CDK6: variants seen among roughly 807,000 people sequenced by gnomAD.
The protein encoded by CDK6 is cyclin dependent kinase 6.
In CDK6, 6 loss-of-function variants were observed where a neutral mutation model predicts 37.1. That is an observed-to-expected ratio of 0.16 (90% CI 0.09 to 0.32). The LOEUF (loss-of-function observed/expected upper bound fraction) is 0.32. CDK6 is among the 10% of genes least tolerant of loss of function. The pLI, the probability that CDK6 is intolerant of heterozygous loss-of-function variation, is 1.00. For missense variants in CDK6, 224 were observed against 418.9 expected, an observed-to-expected ratio of 0.53 and a Z score of 4.06; for synonymous variants, 160 against 161.3, an observed-to-expected ratio of 0.99 and a Z score of 0.06.
At chr7:92,742,491 G>A (rs536850352) in intron 3 of CDK6, among the ~76,000 whole-genome samples, 1 of 152,084 alleles carries the variant, frequency 6.6e-6, no homozygotes, top group South Asian at 2.1e-4. Context: ...AGTGCTATCT[G>A]GTGTTTCTTT....
At chr7:92,672,563 A>C (rs1355116255) in intron 4 of CDK6, among the ~76,000 whole-genome samples, 1 of 150,162 alleles carries the variant, frequency 6.7e-6, no homozygotes, top group Non-Finnish European at 1.5e-5. Context: ...AGGGCTGAAG[A>C]AAGCATATCA....
rs1795589043 is a variant in CDK6, at chr7:92,612,751, T to C, written c.*2389A>G. 2 of 233,052 alleles carry C rather than the reference T, an allele frequency of 8.6e-6. No homozygotes were observed. The highest frequency in any genetic ancestry group is 1.7e-5 in the Non-Finnish European group (2 of 117,978). 14.4% of individuals were successfully genotyped at this position (233,052 alleles called of 1,614,324 possible). ...TCTAAAGAATGCTGAAAAATTCCAG[T>C]TCAGAACAGCTGCATTTTTCTTGAG... On this transcript the variant is annotated 3_prime_UTR_variant, in exon 8 of 8. Coordinates refer to ENST00000424848, the MANE Select transcript of CDK6 (RefSeq NM_001145306.2).
At chr7:92,677,449 C>T (rs1334539560) in intron 4 of CDK6, among the ~76,000 whole-genome samples, 1 of 152,010 alleles carries the variant, frequency 6.6e-6, no homozygotes, top group Non-Finnish European at 1.5e-5. Context: ...GAAACCCTGT[C>T]TCTACTAAAA....
At chr7:92,707,430 G>A (rs189294448) in intron 4 of CDK6, among the ~76,000 whole-genome samples, 2 of 152,228 alleles carry the variant, frequency 1.3e-5, no homozygotes, top group Non-Finnish European at 2.9e-5. Flanking sequence ...ACTGCTTTTT[G>A]AAGGAAGCAA....
intron 2 of CDK6, among the ~76,000 whole-genome samples, chr7:92,780,700 G>A (rs1799965579): frequency 6.7e-6 from 1 of 150,084 alleles, no homozygotes; most frequent in African/African-American, 2.5e-5. Flanking sequence ...GGCAGAGCTT[G>A]CAGTGAGCCG....
At chr7:92,808,082 G>A (rs1305085446) in intron 2 of CDK6, among the ~76,000 whole-genome samples, 1 of 152,098 alleles carries the variant, frequency 6.6e-6, no homozygotes, top group African/African-American at 2.4e-5. Context: ...TGACTCCCCT[G>A]TAAATTAAAA....
chr7:92,609,704 G>A lies in CDK6; in HGVS notation c.*5436C>T, dbSNP rs548792821. The A allele has an allele frequency of 3.5e-5, 8 of 231,196 alleles. No individual in the cohort carries two copies. The highest frequency in any genetic ancestry group is 1.8e-4 in the African/African-American group (8 of 45,254). 14.3% of individuals were successfully genotyped at this position (231,196 alleles called of 1,614,324 possible). ...TGTGTTTTAACTGGGGCCACTAAAG[G>A]AGTTTTATACTTCTAACGAAACTAT... On this transcript the variant is annotated 3_prime_UTR_variant, in exon 8 of 8. Transcript: ENST00000424848.
intron 4 of CDK6, among the ~76,000 whole-genome samples, chr7:92,707,983 T>A (rs28633119): frequency 0.02 from 3,095 of 152,308 alleles, 124 homozygotes; most frequent in African/African-American, 0.071. Context: ...CTGAACAGAC[T>A]CTTACTGGAT....
chr7:92,671,624 T>G, intron 4 of CDK6, 89 bp from the exon 5 acceptor site: 1 of 640,776 alleles, frequency 1.6e-6, no homozygotes, highest in South Asian at 2.7e-5. Context: ...TGACAAGATG[T>G]AGTTCAGAAA....
intron 2 of CDK6, among the ~76,000 whole-genome samples, chr7:92,783,531 T>C (rs887325327): frequency 2.0e-5 from 3 of 152,174 alleles, no homozygotes; most frequent in Non-Finnish European, 2.9e-5. Context: ...CATAAGAAAG[T>C]TTCATTGTTT....
chr7:92,732,526 A>G (rs1255863545), intron 3 of CDK6, among the ~76,000 whole-genome samples: 1 of 152,202 alleles, frequency 6.6e-6, no homozygotes, highest in Non-Finnish European at 1.5e-5. Context: ...CTCACTCTGT[A>G]CTTCCTTCCT....
intron 5 of CDK6, among the ~76,000 whole-genome samples, chr7:92,670,650 C>T (rs2106135): frequency 0.048 from 7,371 of 152,232 alleles, 414 homozygotes; most frequent in East Asian, 0.32. Context: ...GAAAATCAAA[C>T]AAACGAATCA....
chr7:92,750,193 C>G (rs1432112826), intron 3 of CDK6, among the ~76,000 whole-genome samples: 1 of 151,998 alleles, frequency 6.6e-6, no homozygotes, highest in Non-Finnish European at 1.5e-5. Context: ...GAAAGTCCAC[C>G]GAACTAGAAT....
intron 5 of CDK6, among the ~76,000 whole-genome samples, chr7:92,670,836 T>G (rs1160217195): frequency 6.6e-6 from 1 of 152,350 alleles, no homozygotes; most frequent in East Asian, 1.9e-4. Flanking sequence ...ATTAGATTTC[T>G]ACCCCTTTTA....
chr7:92,826,982 G>A (rs111291983), intron 2 of CDK6, among the ~76,000 whole-genome samples: 20 of 152,196 alleles, frequency 1.3e-4, no homozygotes, highest in African/African-American at 4.6e-4. Flanking sequence ...TACATCTCAA[G>A]GGATTTTTTT....
At chr7:92,794,936 T>C (rs1304486188) in intron 2 of CDK6, among the ~76,000 whole-genome samples, 1 of 152,074 alleles carries the variant, frequency 6.6e-6, no homozygotes, top group African/African-American at 2.4e-5. Flanking sequence ...CTGAAGATAA[T>C]TCCAAAAGAG....
At chr7:92,739,652 GT>G (rs1263706157) in intron 3 of CDK6, among the ~76,000 whole-genome samples, 2 of 152,230 alleles carry the variant, frequency 1.3e-5, no homozygotes, top group Non-Finnish European at 2.9e-5. Context: ...TTGCCAAGTA[GT>G]CAGTATCTCT....
intron 4 of CDK6, among the ~76,000 whole-genome samples, chr7:92,688,771 T>C (rs1797529268): frequency 6.6e-6 from 1 of 152,210 alleles, no homozygotes; most frequent in Admixed American, 6.5e-5. Flanking sequence ...GACATAATTC[T>C]GAAACATCAT....
chr7:92,735,941 C>A (rs953718114), intron 3 of CDK6, among the ~76,000 whole-genome samples: 4 of 152,028 alleles, frequency 2.6e-5, no homozygotes, highest in Non-Finnish European at 5.9e-5. Flanking sequence ...CTTTTGGGTA[C>A]GTATAAACCT....
Sources: gnomAD v4.1 joint callset for allele counts (sites outside exome capture counted in the v4.1 genomes callset) on GRCh38, gnomAD v4.1.1 for gene constraint, MANE v1.5 for transcripts, NCBI Gene and HGNC (gene_info 2026-07-23, HGNC 2026-07-21) for gene names.